The following OR12D3 variants were observed in gnomAD, a reference collection of about 807,000 sequenced individuals.
OR12D3 encodes the protein olfactory receptor 12D3.
For missense variants in OR12D3, 333 were observed against 386.4 expected, an observed-to-expected ratio of 0.86 and a Z score of 1.16; for synonymous variants, 142 against 138.8, an observed-to-expected ratio of 1.02 and a Z score of -0.16.
Position 29,374,191 on chromosome 6 carries a change from C to T in OR12D3, c.*146G>A, listed in dbSNP as rs1322135496. 5 of 631,042 alleles carry T rather than the reference C, an allele frequency of 7.9e-6. No homozygotes were observed. The highest frequency in any genetic ancestry group is 8.0e-6 in the Non-Finnish European group (3 of 374,158). 39.1% of individuals were successfully genotyped at this position (631,042 alleles called of 1,614,324 possible). ...ATTATGGAATTTGTTTTGCTTGCTC[C>T]TGTGTTTCTTGAACCTACTACACTG... On this transcript the variant is annotated 3_prime_UTR_variant, in exon 1 of 1. Coordinates refer to ENST00000396806, the MANE Select transcript of OR12D3 (RefSeq NM_030959.3).
In OR12D3 at chr6:29,375,094, G is replaced by A. The variant is rs1222142471; in HGVS notation, c.194C>T (p.Ser65Phe). The A allele has an allele frequency of 6.2e-7, 1 of 1,612,668 alleles. No individual in the cohort carries two copies. The highest frequency in any genetic ancestry group is 2.2e-5 in the East Asian group (1 of 44,894). Residue 65 changes from serine (S) to phenylalanine (F), a missense_variant, in exon 1 of 1, where the codon TCT becomes TTT. Ser to Phe is a radical substitution (Grantham distance 155). Coordinates refer to ENST00000396806, the MANE Select transcript of OR12D3 (RefSeq NM_030959.3). ...TGAAGAATAAGAAATATCCAGACAA[G>A]AAAGGTTTCCCAGAAAAAAATACAT... ...SPMYFFLGNL[S>F]CLDISYSSVT...
chr6:29,374,859 T>G lies in OR12D3; in HGVS notation c.429A>C (p.Ala143=). The G allele has an allele frequency of 6.2e-7, 1 of 1,613,056 alleles. No homozygotes were observed. Among genetic ancestry groups the G allele is most frequent in the Non-Finnish European group, 8.5e-7 (1 of 1,180,004 alleles). Residue 143 remains alanine (A), a synonymous_variant, in exon 1 of 1, where the codon GCA becomes GCC. Coordinates refer to ENST00000396806, the MANE Select transcript of OR12D3 (RefSeq NM_030959.3). ...AGAAGCTGATGAGCCAGGCCGCAGC[T>G]GCCAACAGAATACACACCTGGGGGT... The part of the protein sequence containing the change: ...IMNPQVCILL[A]AAAWLISFFY...
Position 29,375,175 on chromosome 6 carries a change from A to G in OR12D3, c.113T>C (p.Ile38Thr). 1.2e-6 allele frequency: 2 copies of G among 1,612,966 alleles called. No individual in the cohort carries two copies. Among genetic ancestry groups the G allele is most frequent in the South Asian group, 1.1e-5 (1 of 91,058 alleles). ...CATCACCAATATAGATCCATTTCCA[A>G]TCAAGTTTATCAGGTAAATGATTAA... ...IFLIIYLINL[I>T]GNGSILVMVV... The change falls in exon 1 of 1, where the codon ATT becomes ACT. Residue 38 changes from isoleucine (I) to threonine (T), a missense_variant. Ile to Thr is a moderately conservative substitution (Grantham distance 89). Coordinates refer to ENST00000396806, the MANE Select transcript of OR12D3 (RefSeq NM_030959.3).
Position 29,375,151 on chromosome 6 carries a change from A to G in OR12D3, c.137T>C (p.Met46Thr). ...GTGGAGTTGTGGTTCCAAAACAACC[A>G]TCACCAATATAGATCCATTTCCAAT... ...NLIGNGSILV[M>T]VVLEPQLHSP... Residue 46 changes from methionine (M) to threonine (T), a missense_variant, in exon 1 of 1, where the codon ATG becomes ACG. Coordinates refer to ENST00000396806, the MANE Select transcript of OR12D3 (RefSeq NM_030959.3). The G allele has an allele frequency of 6.2e-7, 1 of 1,613,044 alleles. No homozygotes were observed. The highest frequency in any genetic ancestry group is 8.5e-7 in the Non-Finnish European group (1 of 1,180,022).
chr6:29,374,586 G>A lies in OR12D3; in HGVS notation c.702C>T (p.His234=), dbSNP rs577945545. The A allele has an allele frequency of 2.1e-5, 34 of 1,613,048 alleles. No individual in the cohort carries two copies. Among genetic ancestry groups the A allele is most frequent in the Middle Eastern group, 1.6e-4 (1 of 6,062 alleles). Residue 234 remains histidine (H), a synonymous_variant, in exon 1 of 1, where the codon CAC becomes CAT. Transcript: ENST00000396806. The part of the protein sequence containing the change: ...LFKNRSCRIL[H]KALSTCASHF... The stretch of plus-strand genomic sequence containing the variant: ...GGGAGGCACAAGTGGACAGAGCCTT[G>A]TGGAGTATTCTGCAGGACCTGTTCT...
Sources: allele counts gnomAD v4.1 joint callset, GRCh38; gene constraint gnomAD v4.1.1; transcripts MANE v1.5; gene names NCBI Gene and HGNC (gene_info 2026-07-23, HGNC 2026-07-21).